HEATR6: variants seen among roughly 807,000 people sequenced by gnomAD.
HEATR6 encodes HEAT repeat-containing protein 6.
Under a neutral mutation model 132.8 loss-of-function variants are expected in HEATR6, and 106 were observed. The ratio of observed to expected loss-of-function variants is 0.80; its 90% CI spans 0.68 to 0.94. The LOEUF (loss-of-function observed/expected upper bound fraction) is 0.94, where lower values mean the gene tolerates loss of function less well. HEATR6 is among the 40% of genes least tolerant of loss of function. HEATR6 has a pLI of 0.00. For synonymous variants in HEATR6, 529 were observed against 537.8 expected, an observed-to-expected ratio of 0.98 and a Z score of 0.23; for missense variants, 1,339 against 1,425.1, an observed-to-expected ratio of 0.94 and a Z score of 0.97.
At chr17:60,077,438 A>T (rs1444165723) in intron 1 of HEATR6, among the ~76,000 whole-genome samples, 2 of 152,228 alleles carry the variant, frequency 1.3e-5, no homozygotes, top group Non-Finnish European at 2.9e-5. Context: ...TTGCAAAAGT[A>T]TCCAATTACA....
At chr17:60,058,248 T>C (rs1011775881) in intron 11 of HEATR6, among the ~76,000 whole-genome samples, 1 of 152,246 alleles carries the variant, frequency 6.6e-6, no homozygotes, top group Admixed American at 6.5e-5. Context: ...TCCAGGAATA[T>C]GGAATCTCTG....
At chr17:60,062,702 T>C (rs78779331) in intron 9 of HEATR6, among the ~76,000 whole-genome samples, 2,580 of 152,280 alleles carry the variant, frequency 0.017, 77 homozygotes, top group African/African-American at 0.058. Context: ...ATTTCAACAT[T>C]GTGTCAGGGA....
intron 5 of HEATR6, 55 bp from the exon 6 acceptor site, chr17:60,070,862 G>T: frequency 1.0e-6 from 1 of 959,190 alleles, no homozygotes; most frequent in Non-Finnish European, 1.7e-6. Context: ...GGTTGTCCAG[G>T]AATCAACTTA....
chr17:60,059,970 T>C lies in HEATR6; in HGVS notation c.1543A>G (p.Ser515Gly). 1 of 1,613,920 alleles carries C rather than the reference T, an allele frequency of 6.2e-7. No homozygotes were observed. Among genetic ancestry groups the C allele is most frequent in the Non-Finnish European group, 8.5e-7 (1 of 1,179,834 alleles). ...FTPFSVMIAC[S>G]IRELHRCLLL... ...AGACATCTGTGCAACTCTCTAATGC[T>C]GCAAGCGATCATTACGGAGAAGGGG... The change falls in exon 10 of 20, where the codon AGC becomes GGC. Residue 515 changes from serine to glycine, a missense_variant. Physicochemically the swap from Ser to Gly is moderately conservative, Grantham distance 56. Coordinates refer to ENST00000184956, the MANE Select transcript of HEATR6 (RefSeq NM_022070.5).
chr17:60,066,998 C>T (rs921998556), intron 8 of HEATR6, among the ~76,000 whole-genome samples: 9 of 152,128 alleles, frequency 5.9e-5, no homozygotes, highest in South Asian at 2.1e-4. Context: ...CGGCCGGGCG[C>T]GGTGGCTCAC....
At chr17:60,078,466 T>C (rs897891425) in intron 1 of HEATR6, among the ~76,000 whole-genome samples, 2 of 151,004 alleles carry the variant, frequency 1.3e-5, no homozygotes, top group African/African-American at 2.4e-5. Context: ...CGAGGCATTA[T>C]CAGAGCAGGA....
chr17:60,048,559 TC>T (rs1906450346), intron 16 of HEATR6, among the ~76,000 whole-genome samples, 171 bp from the exon 17 acceptor site: 1 of 152,136 alleles, frequency 6.6e-6, no homozygotes, highest in Non-Finnish European at 1.5e-5. Context: ...ATTTGGACAC[TC>T]AAAAAAATCC....
intron 19 of HEATR6, 52 bp from the exon 20 acceptor site, chr17:60,044,186 G>C: frequency 7.1e-7 from 1 of 1,411,484 alleles, no homozygotes; most frequent in African/African-American, 1.4e-5. Context: ...AACTAGGTGG[G>C]GTGAGAGGGA....
In HEATR6 at chr17:60,059,530, C is replaced by T; in HGVS notation, c.1624-9G>A. On this transcript the variant is annotated splice_polypyrimidine_tract_variant and intron_variant, in intron 10 of 19. Coordinates refer to ENST00000184956, the MANE Select transcript of HEATR6 (RefSeq NM_022070.5). ...ACTAAATTTGCAAGGCACTGTAAAA[C>T]ACAAAAAGTAGCTCATCAAAAGGCT... 6.3e-7 allele frequency: 1 copy of T among 1,581,494 alleles called. No homozygotes were observed. The highest frequency in any genetic ancestry group is 8.7e-7 in the Non-Finnish European group (1 of 1,154,938).
rs77945210 is a variant in HEATR6, at chr17:60,058,803, A to G, written c.1723+619T>C. ...CATCCACTATTCCTTCCTTGTTACA[A>G]TTCTGCCTGAAAAACTGAACTCATC... is the stretch of plus-strand genomic sequence containing the variant. On this transcript the variant is annotated intron_variant, in intron 11 of 19. Transcript: ENST00000184956. Among the ~76,000 whole-genome samples, 123 of 152,316 alleles carry G rather than the reference A, an allele frequency of 8.1e-4. No individual in the cohort carries two copies. In the East Asian group the frequency reaches 0.019, roughly 24 times the overall value.
chr17:60,051,306 T>C (rs1010172010), intron 14 of HEATR6, among the ~76,000 whole-genome samples: 1 of 152,230 alleles, frequency 6.6e-6, no homozygotes, highest in African/African-American at 2.4e-5. Flanking sequence ...TGCCAGGCAT[T>C]GCTCTAAGTA....
In HEATR6 at chr17:60,055,496, T is replaced by G; in HGVS notation, c.2289+19A>C. The G allele has an allele frequency of 1.3e-6, 2 of 1,552,988 alleles. No individual in the cohort carries two copies. Among genetic ancestry groups the G allele is most frequent in the Non-Finnish European group, 1.8e-6 (2 of 1,135,618 alleles). ...CTGAAGCATTAATAAAAGAAAACTA[T>G]GAATTGACATTTATTTACCAAGAAG... On this transcript the variant is annotated intron_variant, in intron 14 of 19. Transcript: ENST00000184956.
intron 9 of HEATR6, among the ~76,000 whole-genome samples, chr17:60,062,812 G>A (rs2083219222): frequency 6.6e-6 from 1 of 152,132 alleles, no homozygotes; most frequent in South Asian, 2.1e-4. Context: ...GTTGTGGGAG[G>A]GACTTGTGAG....
In HEATR6 at chr17:60,049,122, A is replaced by AGTGTGTGTGTGTGTGTGTGTGTGTGT. The variant is rs531092208; in HGVS notation, c.2547+432_2547+457dup. Among the ~76,000 whole-genome samples the AGTGTGTGTGTGTGTGTGTGTGTGTGT allele has an allele frequency of 1.6e-4, 21 of 134,846 alleles. 1 individual carries two copies. Among genetic ancestry groups the AGTGTGTGTGTGTGTGTGTGTGTGTGT allele is most frequent in the Middle Eastern group, 3.7e-3 (1 of 272 alleles). 88.5% of individuals were successfully genotyped at this position (134,846 alleles called of 152,430 possible). A position where few individuals can be genotyped will look rare whatever the true frequency, so the allele number is the denominator to read the frequency against. On this transcript the variant is annotated intron_variant, in intron 16 of 19. Coordinates refer to ENST00000184956, the MANE Select transcript of HEATR6 (RefSeq NM_022070.5). Reference sequence around the variant, plus strand: ...TATGTAGAGAGAGAGAGAGACAGAGAGTGTGTGTGTGTGTGTGTGTGTGTG... The same window carrying AGTGTGTGTGTGTGTGTGTGTGTGTGT: ...TATGTAGAGAGAGAGAGAGACAGAGAGTGTGTGTGTGTGTGTGTGTGTGTGTGTGTGTGTGTGTGTGTGTGTGTGTG...
chr17:60,044,584 A>G (rs1906300676), intron 19 of HEATR6, among the ~76,000 whole-genome samples: 1 of 152,254 alleles, frequency 6.6e-6, no homozygotes, highest in African/African-American at 2.4e-5. Flanking sequence ...CTCTGGCCAT[A>G]GCCAGTCATG....
Position 60,044,455 on chromosome 17 carries a change from T to C in HEATR6, c.2975-321A>G, listed in dbSNP as rs145919810. ...GGGAGGATTCTGTCCCGTTGGGGTA[T>C]GGCTTTGTGGGCAGAGCGTGGACTG... On this transcript the variant is annotated intron_variant, in intron 19 of 19. Coordinates refer to ENST00000184956, the MANE Select transcript of HEATR6 (RefSeq NM_022070.5). Among the ~76,000 whole-genome samples the C allele has an allele frequency of 6.1e-4, 93 of 152,320 alleles. 2 individuals are homozygous for C. In the East Asian group the frequency reaches 0.017, roughly 28 times the overall value.
chr17:60,055,655 A>C, intron 13 of HEATR6, 54 bp from the exon 14 acceptor site: 1 of 1,251,398 alleles, frequency 8.0e-7, no homozygotes, highest in African/African-American at 1.5e-5. Flanking sequence ...GAATGACTTC[A>C]CTTGAGTAAC....
chr17:60,063,050 C>G (rs1254150938), intron 9 of HEATR6: 1 of 154,738 alleles, frequency 6.5e-6, no homozygotes, highest in Admixed American at 6.5e-5. Context: ...TCGGGTATGT[C>G]TTTATCAGAA....
At position 60,042,273 on chromosome 17, in the gene HEATR6, C is replaced by T. The variant is rs1906192964; in HGVS notation, c.*1290G>A. ...GTTATTGGATTGTGGGGAGGTGTGG[C>T]AGGGAAGGTGGTCAGGGGAACACGG... On this transcript the variant is annotated 3_prime_UTR_variant, in exon 20 of 20. Coordinates refer to ENST00000184956, the MANE Select transcript of HEATR6 (RefSeq NM_022070.5). Among the ~76,000 whole-genome samples, 1 of 152,190 alleles carries T rather than the reference C, an allele frequency of 6.6e-6. No homozygotes were observed. Among genetic ancestry groups the T allele is most frequent in the South Asian group, 2.1e-4 (1 of 4,836 alleles).
Sources: gnomAD v4.1 joint callset for allele counts (sites outside exome capture counted in the v4.1 genomes callset) on GRCh38, gnomAD v4.1.1 for gene constraint, MANE v1.5 for transcripts, NCBI Gene and HGNC (gene_info 2026-07-23, HGNC 2026-07-21) for gene names.